FYN: variants seen among roughly 807,000 people sequenced by gnomAD.
FYN encodes tyrosine-protein kinase Fyn.
In FYN, 10 loss-of-function variants were observed where a neutral mutation model predicts 70.2. The observed-to-expected ratio is 0.14, with a 90% confidence interval of 0.09 to 0.24. The LOEUF (loss-of-function observed/expected upper bound fraction) is 0.24. FYN is among the 10% of genes least tolerant of loss of function. FYN has a pLI of 1.00. For missense variants in FYN, 319 were observed against 673.1 expected, an observed-to-expected ratio of 0.47 and a Z score of 5.82; for synonymous variants, 236 against 248.6, an observed-to-expected ratio of 0.95 and a Z score of 0.48.
At chr6:111,805,395 C>T (rs1772115629) in intron 2 of FYN, among the ~76,000 whole-genome samples, 1 of 152,140 alleles carries the variant, frequency 6.6e-6, no homozygotes, top group African/African-American at 2.4e-5. Context: ...AATTATACAT[C>T]GTTTATCTGA....
intron 13 of FYN, 134 bp downstream of exon 13, chr6:111,674,365 G>C (rs1280092985): frequency 1.1e-6 from 1 of 937,610 alleles, no homozygotes; most frequent in Admixed American, 2.4e-5. Context: ...CTGAATACCT[G>C]GCCATGTTCT....
chr6:111,816,636 G>A (rs192166730), intron 2 of FYN, among the ~76,000 whole-genome samples: 47 of 152,192 alleles, frequency 3.1e-4, no homozygotes, highest in African/African-American at 5.8e-4. Flanking sequence ...CATTTTTCAC[G>A]TATCAAGTTT....
At chr6:111,793,365 T>C (rs990418045) in intron 2 of FYN, among the ~76,000 whole-genome samples, 9 of 152,150 alleles carry the variant, frequency 5.9e-5, no homozygotes, top group African/African-American at 1.7e-4. Context: ...TTTTTTTTTT[T>C]CCACATTAGT....
At chr6:111,864,125 T>G (rs1774040384) in intron 1 of FYN, among the ~76,000 whole-genome samples, 2 of 152,186 alleles carry the variant, frequency 1.3e-5, no homozygotes. Flanking sequence ...ATATATTCTG[T>G]TTGTCACTCT....
At chr6:111,779,017 T>G (rs1771063919) in intron 3 of FYN, among the ~76,000 whole-genome samples, 1 of 152,052 alleles carries the variant, frequency 6.6e-6, no homozygotes, top group Non-Finnish European at 1.5e-5. Flanking sequence ...GGTTTCCCTG[T>G]AGGCCCTAAC....
rs79397798 is a variant in FYN, at chr6:111,763,497, T to C, written c.-12+17069A>G. On this transcript the variant is annotated intron_variant, in intron 3 of 13. Coordinates refer to ENST00000354650, the MANE Select transcript of FYN (RefSeq NM_002037.5). ...TATCAACAGGATAGGTATCTGAAAA[T>C]AGCTTGTTTGTCTTGTCCACTGCTT... Among the ~76,000 whole-genome samples, 20 of 152,334 alleles carry C rather than the reference T, an allele frequency of 1.3e-4. No homozygotes were observed. In the East Asian group the frequency reaches 3.9e-3, roughly 29 times the overall value.
intron 3 of FYN, among the ~76,000 whole-genome samples, chr6:111,777,630 G>A (rs1771004209): frequency 6.6e-6 from 1 of 152,140 alleles, no homozygotes; most frequent in African/African-American, 2.4e-5. Context: ...AATGTCCTCT[G>A]GGAGGGCAAA....
At chr6:111,710,840 G>A (rs1458099289) in intron 5 of FYN, among the ~76,000 whole-genome samples, 1 of 152,170 alleles carries the variant, frequency 6.6e-6, no homozygotes, top group Non-Finnish European at 1.5e-5. Context: ...GTTACTGTGG[G>A]TAATTAGCAT....
chr6:111,850,746 C>T (rs947611617), intron 1 of FYN, among the ~76,000 whole-genome samples: 3 of 152,342 alleles, frequency 2.0e-5, no homozygotes, highest in African/African-American at 7.2e-5. Flanking sequence ...TCTCACAGGG[C>T]TCCCTGAGGC....
chr6:111,732,906 C>A (rs1166308649), intron 3 of FYN, among the ~76,000 whole-genome samples: 1 of 152,122 alleles, frequency 6.6e-6, no homozygotes, highest in Non-Finnish European at 1.5e-5. Flanking sequence ...CCGAAAGCAC[C>A]CACCACTGAC....
At chr6:111,825,622 C>T (rs912420569) in intron 2 of FYN, among the ~76,000 whole-genome samples, 1 of 152,184 alleles carries the variant, frequency 6.6e-6, no homozygotes, top group Non-Finnish European at 1.5e-5. Context: ...CACATATTCC[C>T]AGGCTTACTC....
chr6:111,699,490 A>C (rs1799733441), intron 9 of FYN: 1 of 1,604,706 alleles, frequency 6.2e-7, no homozygotes, highest in Non-Finnish European at 8.5e-7. Flanking sequence ...GATGCAGCCA[A>C]AACAAAATGT....
intron 13 of FYN, among the ~76,000 whole-genome samples, chr6:111,670,485 T>G (rs917237272): frequency 6.6e-6 from 1 of 152,224 alleles, no homozygotes; most frequent in Non-Finnish European, 1.5e-5. Context: ...GTTTGTCTCC[T>G]CAAAGAAGAA....
intron 8 of FYN, among the ~76,000 whole-genome samples, chr6:111,700,490 C>A (rs1024833687): frequency 2.0e-5 from 3 of 152,108 alleles, no homozygotes; most frequent in African/African-American, 7.2e-5. Context: ...AGATCAGACG[C>A]CACACACGGA....
At chr6:111,739,846 T>C (rs1026063787) in intron 3 of FYN, among the ~76,000 whole-genome samples, 2 of 152,214 alleles carry the variant, frequency 1.3e-5, no homozygotes, top group African/African-American at 4.8e-5. Context: ...GTTGTTAAGA[T>C]GGAGTCTCAC....
At chr6:111,793,419 CCA>C (rs1554289941) in intron 2 of FYN, among the ~76,000 whole-genome samples, 3 of 152,044 alleles carry the variant, frequency 2.0e-5, no homozygotes, top group Non-Finnish European at 4.4e-5. Context: ...CTGCGCATCC[CCA>C]GATGAGAAAG....
rs1327055298 is a variant in FYN at position 111,873,034 on chromosome 6, G to T, written c.-189C>A. On this transcript the variant is annotated 5_prime_UTR_variant, in exon 1 of 14. Transcript: ENST00000354650. The stretch of plus-strand genomic sequence containing the variant: ...CTCCCCGCCCTCCTCCGGCGCGGCC[G>T]AGGCGGCTCCGGGGGGTCCCCGGCG... The T allele has an allele frequency of 6.7e-6, 1 of 149,244 alleles. No homozygotes were observed. Among genetic ancestry groups the T allele is most frequent in the Admixed American group, 6.6e-5 (1 of 15,042 alleles). The allele number at this position is 149,244 out of a possible 1,614,324, so 9.2% of individuals were successfully genotyped here.
chr6:111,872,220 C>A (rs1203341651), intron 1 of FYN, among the ~76,000 whole-genome samples: 1 of 151,990 alleles, frequency 6.6e-6, no homozygotes, highest in African/African-American at 2.4e-5. Flanking sequence ...CAGTCCCCTC[C>A]GCCTGTGGCC....
intron 12 of FYN, among the ~76,000 whole-genome samples, chr6:111,688,561 T>C (rs866914351): frequency 6.6e-6 from 1 of 152,312 alleles, no homozygotes; most frequent in South Asian, 2.1e-4. Flanking sequence ...AAATCACTTC[T>C]ATAGAGAAGC....
Sources: allele counts gnomAD v4.1 joint callset (sites outside exome capture counted in the v4.1 genomes callset), GRCh38; gene constraint gnomAD v4.1.1; transcripts MANE v1.5; gene names NCBI Gene and HGNC (gene_info 2026-07-23, HGNC 2026-07-21).